Variants in RANBP2 observed in about 807,000 individuals in gnomAD.
RANBP2 encodes E3 SUMO-protein ligase RanBP2.
In RANBP2, 57 loss-of-function variants were observed where a neutral mutation model predicts 303.6. The ratio of observed to expected loss-of-function variants is 0.19; its 90% CI spans 0.15 to 0.23. The LOEUF is 0.23. Ranked by LOEUF, RANBP2 falls within the 10% of genes least tolerant of loss-of-function variation. RANBP2 has a pLI of 1.00. For synonymous variants in RANBP2, 1,167 were observed against 1,301.5 expected, an observed-to-expected ratio of 0.90 and a Z score of 2.23; for missense variants, 3,138 against 3,780.8, an observed-to-expected ratio of 0.83 and a Z score of 4.46.
At chr2:109,671,235 T>A in the RANBP2 span, among the ~76,000 whole-genome samples, 1 of 151,902 alleles carries the variant, frequency 6.6e-6, no homozygotes, top group East Asian at 1.9e-4. Flanking sequence ...TCGCTGTGAG[T>A]TGGTGGTGGT....
At chr2:108,827,056 T>C in the RANBP2 span, among the ~76,000 whole-genome samples, 6 of 152,330 alleles carry the variant, frequency 3.9e-5, no homozygotes, top group African/African-American at 9.6e-5. Context: ...ATTACTAATA[T>C]ATGGTTACAC....
chr2:109,351,672 C>T, the RANBP2 span, among the ~76,000 whole-genome samples: 1 of 152,222 alleles, frequency 6.6e-6, no homozygotes, highest in Non-Finnish European at 1.5e-5. Flanking sequence ...TCAGAGAGTG[C>T]CCGCTGATCA....
the RANBP2 span, among the ~76,000 whole-genome samples, chr2:109,033,042 AC>A: frequency 0.032 from 4,867 of 152,298 alleles, 250 homozygotes; most frequent in African/African-American, 0.11. Flanking sequence ...CATGGGAAAT[AC>A]ATTTCCTTTA....
the RANBP2 span, among the ~76,000 whole-genome samples, chr2:109,352,998 A>C: frequency 1.3e-5 from 2 of 152,338 alleles, no homozygotes; most frequent in African/African-American, 4.8e-5. Context: ...GGCTCCTGGG[A>C]GCAGTCCTGG....
chr2:108,772,506 G>A lies in RANBP2; in HGVS notation c.8038G>A (p.Ala2680Thr). ...EEEDDEDFET[A>T]VKKLNGKLYL... is the part of the protein sequence containing the mutation. ...ATTTTAAGATGAAGATTTCGAAACAGCTGTCAAGAAACTTAATGGAAAACT... is the reference window on the plus strand; with the variant it reads ...ATTTTAAGATGAAGATTTCGAAACAACTGTCAAGAAACTTAATGGAAAACT... Residue 2680 changes from alanine to threonine, a missense_variant, in exon 22 of 29, where the codon GCT (alanine) becomes ACT (threonine). This residue lies in a region of RANBP2 where 497 missense variants were observed against 465.8 expected (regional missense o/e 1.07). Coordinates refer to ENST00000283195, the MANE Select transcript of RANBP2 (RefSeq NM_006267.5). 6.2e-7 allele frequency: 1 copy of A among 1,613,406 alleles called. No individual in the cohort carries two copies. The highest frequency in any genetic ancestry group is 8.5e-7 in the Non-Finnish European group (1 of 1,179,606).
chr2:109,082,558 C>T, the RANBP2 span, among the ~76,000 whole-genome samples: 2 of 152,026 alleles, frequency 1.3e-5, no homozygotes, highest in Non-Finnish European at 2.9e-5. Context: ...CTTGGCCTCC[C>T]AAAGTGCTGG....
the RANBP2 span, among the ~76,000 whole-genome samples, chr2:109,202,881 A>AT: frequency 6.6e-6 from 1 of 152,236 alleles, no homozygotes; most frequent in Non-Finnish European, 1.5e-5. Context: ...TGCTTGGCTG[A>AT]TTAGCACAGT....
chr2:109,492,305 T>A, the RANBP2 span, among the ~76,000 whole-genome samples: 3 of 152,188 alleles, frequency 2.0e-5, no homozygotes, highest in Non-Finnish European at 4.4e-5. Flanking sequence ...TTGCCAGCCC[T>A]GACAGAGATG....
chr2:109,629,329 A>T, the RANBP2 span, among the ~76,000 whole-genome samples: 3 of 44,874 alleles, frequency 6.7e-5, no homozygotes, highest in African/African-American at 1.2e-4. Context: ...ATATATATAT[A>T]TATATATATA....
the RANBP2 span, among the ~76,000 whole-genome samples, chr2:109,398,323 C>T: frequency 2.0e-5 from 3 of 152,160 alleles, no homozygotes; most frequent in African/African-American, 7.2e-5. Flanking sequence ...AAGATTGGGG[C>T]GACAAGGTAG....
the RANBP2 span, among the ~76,000 whole-genome samples, chr2:108,919,911 G>A: frequency 1.3e-5 from 2 of 152,222 alleles, no homozygotes; most frequent in East Asian, 1.9e-4. Context: ...CCATCTCTGG[G>A]TTAGCTATCT....
At chr2:109,169,637 G>A in the RANBP2 span, among the ~76,000 whole-genome samples, 1 of 151,848 alleles carries the variant, frequency 6.6e-6, no homozygotes, top group Non-Finnish European at 1.5e-5. Context: ...AGTTTAATAG[G>A]GTTGGGCAAT....
the RANBP2 span, among the ~76,000 whole-genome samples, chr2:109,738,927 T>G: frequency 1.3e-5 from 2 of 151,546 alleles, no homozygotes; most frequent in Non-Finnish European, 2.9e-5. Flanking sequence ...GGTTTAATTT[T>G]TGTTTAAGGT....
At chr2:109,432,723 G>C in the RANBP2 span, 7 of 1,562,984 alleles carry the variant, frequency 4.5e-6, no homozygotes, top group Non-Finnish European at 6.1e-6. Flanking sequence ...GGGCCTGCAC[G>C]CCTTACCGCT....
the RANBP2 span, among the ~76,000 whole-genome samples, chr2:108,950,699 C>T: frequency 6.6e-6 from 1 of 152,246 alleles, no homozygotes; most frequent in Non-Finnish European, 1.5e-5. Context: ...CATCCCTGCC[C>T]TTGCTCCCTT....
rs571132275 is a variant in RANBP2, at chr2:108,756,467, A to G, written c.2466+1208A>G. ...ATACTGCTAAGGTTACATCAAGGAT[A>G]TGCTGATGTGTGGCGATTATTACAG... On this transcript the variant is annotated intron_variant, in intron 17 of 28. Transcript: ENST00000283195. 2.8e-4 allele frequency among the ~76,000 whole-genome samples: 43 copies of G among 152,246 alleles called. 1 individual carries two copies. Among genetic ancestry groups the G allele is most frequent in the Non-Finnish European group, 5.0e-4 (34 of 68,048 alleles).
the RANBP2 span, among the ~76,000 whole-genome samples, chr2:109,414,549 A>G: frequency 6.6e-6 from 1 of 152,154 alleles, no homozygotes; most frequent in African/African-American, 2.4e-5. Context: ...ACGGTCACAA[A>G]CACAGGTCAC....
the RANBP2 span, among the ~76,000 whole-genome samples, chr2:109,154,366 G>A: frequency 1.3e-5 from 2 of 152,154 alleles, no homozygotes; most frequent in Non-Finnish European, 2.9e-5. Context: ...GAAGCTTCTG[G>A]GTAGGGAGTA....
the RANBP2 span, among the ~76,000 whole-genome samples, chr2:109,689,675 T>C: frequency 0.23 from 34,666 of 151,986 alleles, 4,520 homozygotes; most frequent in Admixed American, 0.29. Flanking sequence ...ACTCTAAAAT[T>C]CCTTCTGCCA....
Sources: allele counts gnomAD v4.1 joint callset (sites outside exome capture counted in the v4.1 genomes callset), GRCh38; gene constraint gnomAD v4.1.1; regional missense constraint gnomAD v4.1.1; transcripts MANE v1.5; gene names NCBI Gene and HGNC (gene_info 2026-07-23, HGNC 2026-07-21).